The following LAMB4 variants were observed in gnomAD, a reference collection of about 807,000 sequenced individuals.
LAMB4 encodes laminin subunit beta 4, also known as laminin subunit beta-4.
Under a neutral mutation model 199.2 loss-of-function variants are expected in LAMB4, and 196 were observed. The observed-to-expected ratio is 0.98, with a 90% CI of 0.88 to 1.11. The LOEUF (loss-of-function observed/expected upper bound fraction) is 1.11, where lower values mean the gene tolerates loss of function less well. LAMB4 is among the 50% of genes least tolerant of loss of function. The pLI is 0.00. For synonymous variants in LAMB4, 744 were observed against 770.6 expected (o/e 0.97, Z 0.57); for missense variants, 2,080 against 2,171.2 (o/e 0.96, Z 0.83).
chr7:108,067,864 A>G (rs191701182), intron 19 of LAMB4, 152 bp downstream of exon 19: 1 of 955,330 alleles, frequency 1.0e-6, no homozygotes, highest in South Asian at 1.6e-5. Flanking sequence ...TAGCAAAAAA[A>G]TGTTCAGTAT....
intron 22 of LAMB4, among the ~76,000 whole-genome samples, 199 bp downstream of exon 22, chr7:108,063,562 T>A (rs955599047): frequency 6.6e-6 from 1 of 152,340 alleles, no homozygotes; most frequent in East Asian, 1.9e-4. Context: ...GAGAACATTG[T>A]GGCTGCATCT....
At chr7:108,058,137 G>T (rs548809855) in intron 23 of LAMB4, among the ~76,000 whole-genome samples, 2 of 152,078 alleles carry the variant, frequency 1.3e-5, no homozygotes, top group Non-Finnish European at 2.9e-5. Context: ...TGAATATATC[G>T]CCTGCTTCCA....
At chr7:108,014,202 C>T in the LAMB4 span, among the ~76,000 whole-genome samples, 1 of 152,090 alleles carries the variant, frequency 6.6e-6, no homozygotes, top group Non-Finnish European at 1.5e-5. Flanking sequence ...TCCTTTATGT[C>T]GGGCAATGTT....
At chr7:108,126,550 C>CTTT (rs2038786753) in intron 1 of LAMB4, among the ~76,000 whole-genome samples, 2 of 45,456 alleles carry the variant, frequency 4.4e-5, no homozygotes, top group African/African-American at 1.8e-4. Context: ...GTCAGAATTT[C>CTTT]TTTCTTTTTT....
chr7:108,016,953 C>T, the LAMB4 span, among the ~76,000 whole-genome samples: 1 of 152,292 alleles, frequency 6.6e-6, no homozygotes, highest in African/African-American at 2.4e-5. Context: ...CAGCCAACCT[C>T]CTGCCTCCTA....
At chr7:108,043,545 G>GTTTTTTGTT (rs2035497909) in intron 29 of LAMB4, among the ~76,000 whole-genome samples, 3 of 56,002 alleles carry the variant, frequency 5.4e-5, no homozygotes, top group African/African-American at 1.5e-4. Context: ...TGGCTATGAT[G>GTTTTTTGTT]TTTTTTTTTT....
At chr7:108,052,474 T>C (rs1013309153) in intron 25 of LAMB4, among the ~76,000 whole-genome samples, 3 of 152,196 alleles carry the variant, frequency 2.0e-5, no homozygotes, top group African/African-American at 4.8e-5. Flanking sequence ...TCATTTAAAA[T>C]ATGGACAGCA....
At chr7:108,039,532 G>C (rs893790938) in intron 29 of LAMB4, among the ~76,000 whole-genome samples, 1 of 148,890 alleles carries the variant, frequency 6.7e-6, no homozygotes, top group East Asian at 2.0e-4. Context: ...GCAGTGGTGC[G>C]ATCTCGGCTC....
At chr7:108,038,584 G>A (rs1208138281) in intron 29 of LAMB4, among the ~76,000 whole-genome samples, 2 of 152,242 alleles carry the variant, frequency 1.3e-5, no homozygotes, top group African/African-American at 4.8e-5. Context: ...GGGGCCACAT[G>A]TGGCCCAGGA....
chr7:108,058,034 G>C (rs1563053997), intron 23 of LAMB4, 106 bp from the exon 24 acceptor site: 1 of 742,110 alleles, frequency 1.3e-6, no homozygotes, highest in Non-Finnish European at 2.3e-6. Context: ...ACATACAGCT[G>C]TGCAAAGGCG....
chr7:108,019,186 G>A (rs1410193369), downstream of LAMB4, among the ~76,000 whole-genome samples: 2 of 152,158 alleles, frequency 1.3e-5, no homozygotes, highest in Non-Finnish European at 2.9e-5. Flanking sequence ...TGTTGGCATA[G>A]TGGTATTCCT....
downstream of LAMB4, among the ~76,000 whole-genome samples, chr7:108,019,564 T>C: frequency 6.6e-6 from 1 of 152,082 alleles, no homozygotes; most frequent in East Asian, 1.9e-4. Flanking sequence ...ACAAACAACT[T>C]CCTTTTAGGG....
At chr7:108,017,701 G>T in the LAMB4 span, among the ~76,000 whole-genome samples, 1 of 152,192 alleles carries the variant, frequency 6.6e-6, no homozygotes, top group Non-Finnish European at 1.5e-5. Context: ...ATAGGAAAAG[G>T]TTAGGTTTGG....
intron 14 of LAMB4, among the ~76,000 whole-genome samples, chr7:108,080,651 C>T (rs938752860): frequency 1.3e-5 from 2 of 152,126 alleles, no homozygotes; most frequent in Non-Finnish European, 2.9e-5. Flanking sequence ...TATGTGCCAG[C>T]TCCTGAATTA....
intron 1 of LAMB4, among the ~76,000 whole-genome samples, chr7:108,130,088 T>C (rs1369343618): frequency 1.3e-5 from 2 of 152,214 alleles, no homozygotes; most frequent in African/African-American, 2.4e-5. Context: ...CATATCACAA[T>C]GCACTAACAT....
the LAMB4 span, among the ~76,000 whole-genome samples, chr7:108,013,184 G>C: frequency 1.7e-4 from 26 of 152,220 alleles, no homozygotes; most frequent in African/African-American, 6.0e-4. Context: ...CAAGTGCCTT[G>C]AGAGCATCTT....
downstream of LAMB4, among the ~76,000 whole-genome samples, chr7:108,020,124 G>A (rs549836080): frequency 5.9e-5 from 9 of 152,040 alleles, no homozygotes; most frequent in African/African-American, 1.4e-4. Context: ...ACTTCTTCAC[G>A]CTGGTCCCTC....
At chr7:108,041,462 A>T (rs2035419476) in intron 29 of LAMB4, among the ~76,000 whole-genome samples, 1 of 152,252 alleles carries the variant, frequency 6.6e-6, no homozygotes, top group South Asian at 2.1e-4. Context: ...TCATTGCAGC[A>T]TTATTCACAG....
chr7:108,068,142 G>T lies in LAMB4; in HGVS notation c.2320C>A (p.Gln774Lys). The T allele has an allele frequency of 6.2e-7, 1 of 1,614,064 alleles. No individual in the cohort carries two copies. Among genetic ancestry groups the T allele is most frequent in the Non-Finnish European group, 8.5e-7 (1 of 1,179,994 alleles). Residue 774 changes from glutamine (Q) to lysine (K), a missense_variant, in exon 19 of 34, where the codon CAG (glutamine) becomes AAG (lysine). Gln to Lys is a moderately conservative substitution (Grantham distance 53). Coordinates refer to ENST00000388781, the MANE Select transcript of LAMB4 (RefSeq NM_007356.3). ...DGAVACKCHP[Q>K]GSVGSSCSRL... The stretch of plus-strand genomic sequence containing the variant: ...CTGCAGCTGGATCCGACTGAGCCCT[G>T]GGGGTGACACTTGCAGGCTGCAAGG...
Sources: gnomAD v4.1 joint callset for allele counts (sites outside exome capture counted in the v4.1 genomes callset) on GRCh38, gnomAD v4.1.1 for gene constraint, MANE v1.5 for transcripts, NCBI Gene and HGNC (gene_info 2026-07-23, HGNC 2026-07-21) for gene names.